Variants in PHAX observed in about 807,000 individuals in gnomAD.
PHAX encodes the protein phosphorylated adaptor for RNA export, also known as phosphorylated adapter RNA export protein.
PHAX carries 31 observed loss-of-function variants against 41.6 expected under a neutral mutation model. The observed-to-expected ratio is 0.75, with a 90% CI of 0.56 to 1.01. The LOEUF is 1.01. PHAX is among the 50% of genes least tolerant of loss of function. The pLI, the probability that PHAX is intolerant of heterozygous loss-of-function variation, is 0.00. For missense variants in PHAX, 453 were observed against 472.9 expected, an observed-to-expected ratio of 0.96 and a Z score of 0.39; for synonymous variants, 175 against 164.9, an observed-to-expected ratio of 1.06 and a Z score of -0.47.
At position 126,626,041 on chromosome 5, in the gene PHAX, G is replaced by C. The variant is rs1202580523; in HGVS notation, c.*1197G>C. 1.3e-5 allele frequency: 2 copies of C among 152,138 alleles called. No individual in the cohort carries two copies. Among genetic ancestry groups the C allele is most frequent in the East Asian group, 1.9e-4 (1 of 5,172 alleles). The allele number at this position is 152,138 out of a possible 1,614,324, so 9.4% of individuals were successfully genotyped here. ...TGTTTTTTGACTTCTTAATTAACTT[G>C]GTCATATACTAAATGTGATCTCCTG... On this transcript the variant is annotated 3_prime_UTR_variant, in exon 5 of 5. Coordinates refer to ENST00000297540, the MANE Select transcript of PHAX (RefSeq NM_032177.4).
At chr5:126,622,058 A>G (rs1027669645) in intron 4 of PHAX, among the ~76,000 whole-genome samples, 5 of 151,856 alleles carry the variant, frequency 3.3e-5, no homozygotes, top group African/African-American at 4.8e-5. Context: ...GGTTCAAGCA[A>G]TTCTCCTGCC....
intron 4 of PHAX, among the ~76,000 whole-genome samples, chr5:126,618,214 A>G (rs1752218087): frequency 6.6e-6 from 1 of 152,188 alleles, no homozygotes; most frequent in Non-Finnish European, 1.5e-5. Flanking sequence ...TGTTGGGATT[A>G]TAGGCATGAG....
In PHAX at chr5:126,624,773, C is replaced by G; in HGVS notation, c.1114C>G (p.His372Asp). The G allele has an allele frequency of 6.2e-7, 1 of 1,613,832 alleles. No individual in the cohort carries two copies. The highest frequency in any genetic ancestry group is 8.5e-7 in the Non-Finnish European group (1 of 1,179,956). ...LASLDESQEGHAEAKLEAEEA... is the reference protein window; with the variant it reads ...LASLDESQEGDAEAKLEAEEA... ...CTCTCTTGATGAGTCACAGGAAGGA[C>G]ATGCAGAAGCCAAGTTGGAGGCAGA... The change falls in exon 5 of 5, where the codon CAT becomes GAT. Residue 372 changes from histidine (H) to aspartate (D), a missense_variant. By Grantham distance (81) the His-to-Asp change is moderately conservative. Coordinates refer to ENST00000297540, the MANE Select transcript of PHAX (RefSeq NM_032177.4).
chr5:126,627,052 T>C lies in PHAX; in HGVS notation c.*2208T>C, dbSNP rs920330563. ...ATATTAAGCAAAAATATGCTTGATA[T>C]ATTAAGCAGAAATGTTGTATATTAA... On this transcript the variant is annotated 3_prime_UTR_variant, in exon 5 of 5. Transcript: ENST00000297540. The C allele has an allele frequency of 1.2e-4, 19 of 152,174 alleles. No homozygotes were observed. The highest frequency in any genetic ancestry group is 1.2e-3 in the Admixed American group (19 of 15,274). The allele number at this position is 152,174 out of a possible 1,614,324, so 9.4% of individuals were successfully genotyped here. A position where few individuals can be genotyped will look rare whatever the true frequency, so the allele number is the denominator to read the frequency against.
At chr5:126,608,081 A>G (rs1446139231) in intron 2 of PHAX, among the ~76,000 whole-genome samples, 1 of 152,178 alleles carries the variant, frequency 6.6e-6, no homozygotes, top group African/African-American at 2.4e-5. Flanking sequence ...TTTTGCATTC[A>G]GACCTGCATT....
intron 4 of PHAX, among the ~76,000 whole-genome samples, chr5:126,622,950 A>G (rs948236629): frequency 6.6e-6 from 1 of 151,836 alleles, no homozygotes; most frequent in African/African-American, 2.4e-5. Flanking sequence ...ACATGGAGAA[A>G]CCCCATCTCC....
rs35245075 is a variant in PHAX at position 126,616,047 on chromosome 5, CTTTTTTT to C, written c.832-1191_832-1185del. On this transcript the variant is annotated intron_variant, in intron 3 of 4. Transcript: ENST00000297540. Reference sequence around the variant, plus strand: ...GGCTACCCAGTAGCTCAACCACCAACTTTTTTTTTTTTTTTTTTGAAATAGAGGTTTG... The same window carrying C: ...GGCTACCCAGTAGCTCAACCACCAACTTTTTTTTTTTGAAATAGAGGTTTG... Among the ~76,000 whole-genome samples the C allele has an allele frequency of 5.7e-5, 7 of 123,774 alleles. No individual in the cohort carries two copies. The East Asian group carries it at 1.4e-3, about 24-fold the overall frequency. The allele number at this position is 123,774 out of a possible 152,430, so 81.2% of individuals were successfully genotyped here. A position where few individuals can be genotyped will look rare whatever the true frequency, so the allele number is the denominator to read the frequency against.
rs552899959 is a variant in PHAX, at chr5:126,619,746, A to T, written c.915+2413A>T. ...TTAAATCATGTTTGTGTTACTGGGAATATCTTTTACGGACATTCTTCTACA... is the reference window on the plus strand; with the variant it reads ...TTAAATCATGTTTGTGTTACTGGGATTATCTTTTACGGACATTCTTCTACA... On this transcript the variant is annotated intron_variant, in intron 4 of 4. Transcript: ENST00000297540. Among the ~76,000 whole-genome samples the T allele has an allele frequency of 2.0e-5, 3 of 152,300 alleles. No homozygotes were observed. In the South Asian group the frequency reaches 6.2e-4, roughly 32 times the overall value.
At chr5:126,606,064 T>C (rs973255442) in intron 2 of PHAX, among the ~76,000 whole-genome samples, 7 of 152,212 alleles carry the variant, frequency 4.6e-5, no homozygotes, top group African/African-American at 1.7e-4. Flanking sequence ...GTCTATAAAT[T>C]TGCCTTTTTT....
At position 126,617,262 on chromosome 5, in the gene PHAX, A is replaced by C; in HGVS notation, c.844A>C (p.Arg282=). 2.5e-6 allele frequency: 4 copies of C among 1,609,424 alleles called. No individual in the cohort carries two copies. The highest frequency in any genetic ancestry group is 2.2e-5 in the East Asian group (1 of 44,780). Reference sequence around the variant, plus strand: ...TTCCTTTTTGTAGAATGGTAGTCGAAGAAGAACACCAGGTGGAGTTTTTCT... The same window carrying C: ...TTCCTTTTTGTAGAATGGTAGTCGACGAAGAACACCAGGTGGAGTTTTTCT... ...GGLFIMNGSR[R]RTPGGVFLNL... is the part of the protein sequence containing the mutation. Residue 282 remains arginine (R), a synonymous_variant, in exon 4 of 5, where the codon AGA becomes CGA. Transcript: ENST00000297540.
rs765058648 is a variant in PHAX, at chr5:126,604,003, A to G, written c.530A>G (p.Glu177Gly). The G allele has an allele frequency of 1.9e-6, 3 of 1,614,082 alleles. No homozygotes were observed. In the African/African-American group the frequency reaches 4.0e-5, roughly 22 times the overall value. The change falls in exon 2 of 5, where the codon GAA (glutamate) becomes GGA (glycine). Residue 177 changes from glutamate to glycine, a missense_variant. Coordinates refer to ENST00000297540, the MANE Select transcript of PHAX (RefSeq NM_032177.4). ...HTKDLDKELD[E>G]YMHGGKKMGS... ...AAAGATCTAGACAAGGAACTAGATG[A>G]ATATATGCATGGTGGCAAAAAAATG... is the stretch of plus-strand genomic sequence containing the variant.
At chr5:126,612,426 G>C (rs1018830073) in intron 3 of PHAX, among the ~76,000 whole-genome samples, 2 of 152,140 alleles carry the variant, frequency 1.3e-5, no homozygotes, top group African/African-American at 2.4e-5. Context: ...TAGGCCGGGC[G>C]TGGTGGCTCA....
intron 4 of PHAX, among the ~76,000 whole-genome samples, chr5:126,623,461 C>T (rs937625765): frequency 6.6e-6 from 1 of 152,130 alleles, no homozygotes; most frequent in Admixed American, 6.6e-5. Context: ...TGTGTAAAGT[C>T]CTTAGCAAAA....
rs147729262 is a variant in PHAX, at chr5:126,619,933, G to A, written c.915+2600G>A. 3.3e-5 allele frequency among the ~76,000 whole-genome samples: 5 copies of A among 152,274 alleles called. No homozygotes were observed. In the East Asian group the frequency reaches 7.7e-4, roughly 23 times the overall value. ...TCACAGCTGTTGTATTTGAGTAGCCGCACATTTTCCTTATGATAACAATGG... is the reference window on the plus strand; with the variant it reads ...TCACAGCTGTTGTATTTGAGTAGCCACACATTTTCCTTATGATAACAATGG... On this transcript the variant is annotated intron_variant, in intron 4 of 4. Transcript: ENST00000297540.
At chr5:126,603,524 A>G in intron 1 of PHAX, 46 bp from the exon 2 acceptor site, 1 of 1,544,692 alleles carries the variant, frequency 6.5e-7, no homozygotes, top group Non-Finnish European at 8.7e-7. Flanking sequence ...AGGTAGGTGG[A>G]GTTTATGTGT....
intron 3 of PHAX, among the ~76,000 whole-genome samples, chr5:126,612,096 AAAAT>A (rs1752111386): frequency 6.6e-6 from 1 of 152,144 alleles, no homozygotes; most frequent in Non-Finnish European, 1.5e-5. Flanking sequence ...CTCAATAATC[AAAAT>A]AAATAATATT....
chr5:126,613,798 C>G (rs1379936439), intron 3 of PHAX, among the ~76,000 whole-genome samples: 1 of 147,442 alleles, frequency 6.8e-6, no homozygotes, highest in East Asian at 2.0e-4. Context: ...CTTTTTGATA[C>G]AGGGTCTCAC....
intron 1 of PHAX, 59 bp from the exon 2 acceptor site, chr5:126,603,511 A>T: frequency 2.0e-6 from 3 of 1,522,924 alleles, no homozygotes; most frequent in Non-Finnish European, 2.6e-6. Context: ...ATTTTTAAAA[A>T]TTAGGTAGGT....
intron 2 of PHAX, among the ~76,000 whole-genome samples, chr5:126,604,737 T>TA (rs35739461): frequency 2.3e-4 from 34 of 148,218 alleles, no homozygotes; most frequent in Middle Eastern, 3.4e-3. Context: ...CCTGGCCAAT[T>TA]AAAAAAAAAA....
Sources: allele counts gnomAD v4.1 joint callset (sites outside exome capture counted in the v4.1 genomes callset), GRCh38; gene constraint gnomAD v4.1.1; transcripts MANE v1.5; gene names NCBI Gene and HGNC (gene_info 2026-07-23, HGNC 2026-07-21).